PTPRS: variants seen among roughly 807,000 people sequenced by gnomAD.
PTPRS encodes the protein protein tyrosine phosphatase receptor type S.
Under a neutral mutation model 215.3 loss-of-function variants are expected in PTPRS, and 63 were observed. The observed-to-expected ratio is 0.29, with a 90% CI of 0.24 to 0.36. The LOEUF (loss-of-function observed/expected upper bound fraction) is 0.36, where lower values mean the gene tolerates loss of function less well. Ranked by LOEUF, PTPRS falls within the 10% of genes least tolerant of loss-of-function variation. PTPRS has a pLI of 1.00. For missense variants in PTPRS, 2,258 were observed against 2,825.8 expected (o/e 0.80, Z 4.56); for synonymous variants, 1,404 against 1,191.4 (o/e 1.18, Z -3.68).
chr19:5,256,394 C>T (rs2045557871), intron 8 of PTPRS, among the ~76,000 whole-genome samples: 1 of 152,128 alleles, frequency 6.6e-6, no homozygotes, highest in African/African-American at 2.4e-5. Flanking sequence ...TCTGGAGCAT[C>T]TAAGACCCAG....
intron 4 of PTPRS, among the ~76,000 whole-genome samples, chr19:5,268,428 G>A (rs978819013): frequency 2.6e-5 from 4 of 152,066 alleles, no homozygotes; most frequent in Non-Finnish European, 5.9e-5. Flanking sequence ...GCCCAGATGG[G>A]ACATGGGGCT....
At chr19:5,262,444 C>A (rs1416752172) in intron 6 of PTPRS, among the ~76,000 whole-genome samples, 1 of 152,056 alleles carries the variant, frequency 6.6e-6, no homozygotes, top group African/African-American at 2.4e-5. Flanking sequence ...TGAATTAGTC[C>A]CACAACTGAT....
chr19:5,331,772 G>A (rs192745173), intron 1 of PTPRS, among the ~76,000 whole-genome samples: 2 of 152,330 alleles, frequency 1.3e-5, no homozygotes, highest in East Asian at 3.9e-4. Context: ...TCGCAGCCCT[G>A]CCCCGCGGGA....
intron 7 of PTPRS, among the ~76,000 whole-genome samples, chr19:5,259,950 G>A (rs2045855682): frequency 6.6e-6 from 1 of 152,146 alleles, no homozygotes; most frequent in Non-Finnish European, 1.5e-5. Flanking sequence ...TCAGGAGACT[G>A]CTCTAGGTCA....
chr19:5,334,427 A>G (rs1423732273), intron 1 of PTPRS, among the ~76,000 whole-genome samples: 2 of 152,182 alleles, frequency 1.3e-5, no homozygotes, highest in Non-Finnish European at 2.9e-5. Context: ...TCCTCCTAAC[A>G]ATCCCTCAAG....
intron 16 of PTPRS, among the ~76,000 whole-genome samples, chr19:5,226,371 A>G (rs539847514): frequency 1.3e-5 from 2 of 152,322 alleles, no homozygotes; most frequent in East Asian, 3.9e-4. Context: ...CCAACTCATG[A>G]GAGCCGCTGG....
In PTPRS at chr19:5,207,258, T is replaced by C. The variant is rs143627187; in HGVS notation, c.5779-416A>G. Among the ~76,000 whole-genome samples the C allele has an allele frequency of 8.5e-3, 1,297 of 152,326 alleles. 24 individuals carry two copies. The highest frequency in any genetic ancestry group is 0.03 in the African/African-American group (1,243 of 41,578). On this transcript the variant is annotated intron_variant, in intron 37 of 37. Coordinates refer to ENST00000262963, the MANE Select transcript of PTPRS (RefSeq NM_002850.4). ...TACCACCATGCCCAGCTGATTTTTG[T>C]ATTTTTAGTAGAGACAGGGTTTCGC...
chr19:5,254,743 G>A (rs889087491), intron 9 of PTPRS, among the ~76,000 whole-genome samples: 2 of 152,178 alleles, frequency 1.3e-5, no homozygotes, highest in Non-Finnish European at 2.9e-5. Context: ...AGGGGATGGG[G>A]GAAGCAGCCA....
chr19:5,269,971 T>C (rs1179850824), intron 4 of PTPRS, among the ~76,000 whole-genome samples: 3 of 151,922 alleles, frequency 2.0e-5, no homozygotes, highest in African/African-American at 7.3e-5. Flanking sequence ...GGGGCATTTT[T>C]TTCCCAGACT....
chr19:5,220,674 TC>T (rs2041902402), intron 20 of PTPRS, among the ~76,000 whole-genome samples: 1 of 152,222 alleles, frequency 6.6e-6, no homozygotes, highest in Non-Finnish European at 1.5e-5. Flanking sequence ...GGCAGAGTGC[TC>T]CTCTCCCCAC....
In PTPRS at chr19:5,208,254, G is replaced by A. The variant is rs1439008479; in HGVS notation, c.5625C>T (p.Pro1875=). 6.2e-7 allele frequency: 1 copy of A among 1,606,296 alleles called. No individual in the cohort carries two copies. Among genetic ancestry groups the A allele is most frequent in the Non-Finnish European group, 8.5e-7 (1 of 1,176,032 alleles). ...GAGCTCACCTGCAGTGGACAGAGATGGGGCCGTCCTGGCCAAACTGCTCCT... is the reference window on the plus strand; with the variant it reads ...GAGCTCACCTGCAGTGGACAGAGATAGGGCCGTCCTGGCCAAACTGCTCCT... The part of the protein sequence containing the change: ...KTKEQFGQDG[P]ISVHCSAGVG... The change falls in exon 36 of 38, where the codon CCC becomes CCT. Residue 1875 remains proline, a synonymous_variant. Coordinates refer to ENST00000262963, the MANE Select transcript of PTPRS (RefSeq NM_002850.4).
intron 9 of PTPRS, among the ~76,000 whole-genome samples, chr19:5,251,202 G>A (rs1280220142): frequency 6.6e-6 from 1 of 151,960 alleles, no homozygotes; most frequent in Non-Finnish European, 1.5e-5. Flanking sequence ...AAGGAGGGTG[G>A]GCACCGCCCC....
intron 9 of PTPRS, among the ~76,000 whole-genome samples, chr19:5,252,077 A>G (rs1285018917): frequency 6.6e-6 from 1 of 152,168 alleles, no homozygotes; most frequent in Non-Finnish European, 1.5e-5. Flanking sequence ...ATAAATTTGC[A>G]TAGATGGATT....
At chr19:5,215,198 T>G in intron 28 of PTPRS, 91 bp downstream of exon 28, 1 of 1,539,998 alleles carries the variant, frequency 6.5e-7, no homozygotes. Flanking sequence ...ATGACCAGAA[T>G]CAGGCCTCAG....
chr19:5,303,068 TCAAAAA>T (rs1028496603), intron 1 of PTPRS, among the ~76,000 whole-genome samples: 12 of 151,668 alleles, frequency 7.9e-5, no homozygotes, highest in Admixed American at 3.3e-4. Flanking sequence ...AGACCCCGTC[TCAAAAA>T]CAAAAACAAA....
intron 14 of PTPRS, 32 bp from the exon 15 acceptor site, chr19:5,229,716 C>A (rs944497954): frequency 1.7e-6 from 2 of 1,210,636 alleles, no homozygotes; most frequent in Non-Finnish European, 2.1e-6. Context: ...GAGGGGCGGG[C>A]GGAGCCGTTA....
rs1372869506 is a variant in PTPRS at position 5,205,552 on chromosome 19, C to T, written c.*1222G>A. On this transcript the variant is annotated 3_prime_UTR_variant, in exon 38 of 38. Transcript: ENST00000262963. ...TACAAAGTCGATATATCTACATACA[C>T]GGGGGTGGGAAAACCACCCGGCTGC... 6.6e-6 allele frequency among the ~76,000 whole-genome samples: 1 copy of T among 152,202 alleles called. No homozygotes were observed. The highest frequency in any genetic ancestry group is 2.4e-5 in the African/African-American group (1 of 41,450).
chr19:5,278,359 C>T (rs2047572221), intron 2 of PTPRS, among the ~76,000 whole-genome samples: 1 of 152,126 alleles, frequency 6.6e-6, no homozygotes, highest in East Asian at 1.9e-4. Context: ...ACTGGGACTA[C>T]AGTCACATGC....
intron 6 of PTPRS, 96 bp downstream of exon 6, chr19:5,262,868 C>A: frequency 7.5e-7 from 1 of 1,330,280 alleles, no homozygotes; most frequent in Non-Finnish European, 1.1e-6. Flanking sequence ...CAGTTACCAT[C>A]ACGGTGGCTG....
Sources: gnomAD v4.1 joint callset for allele counts (sites outside exome capture counted in the v4.1 genomes callset) on GRCh38, gnomAD v4.1.1 for gene constraint, MANE v1.5 for transcripts, NCBI Gene and HGNC (gene_info 2026-07-23, HGNC 2026-07-21) for gene names.